Variants in RBMS3 observed in about 807,000 individuals in gnomAD.
RBMS3 encodes RNA-binding motif, single-stranded-interacting protein 3.
In RBMS3, 27 loss-of-function variants were observed where a neutral mutation model predicts 66.8. That is an observed-to-expected ratio of 0.40 (90% CI 0.30 to 0.56). The LOEUF (loss-of-function observed/expected upper bound fraction) is 0.56, where lower values mean the gene tolerates loss of function less well. RBMS3 is among the 20% of genes least tolerant of loss of function. The probability of loss-of-function intolerance (pLI) is 0.40; values close to 1 mark genes in which losing one functional copy is unlikely to be tolerated. For missense variants in RBMS3, 513 were observed against 549.5 expected, an observed-to-expected ratio of 0.93 and a Z score of 0.66; for synonymous variants, 188 against 183.0, an observed-to-expected ratio of 1.03 and a Z score of -0.22.
intron 6 of RBMS3, among the ~76,000 whole-genome samples, chr3:29,853,204 G>A (rs560356472): frequency 6.6e-6 from 1 of 152,058 alleles, no homozygotes; most frequent in African/African-American, 2.4e-5. Flanking sequence ...ATAACTAATG[G>A]CTACTAGGCT....
At chr3:29,509,338 C>T (rs896328395) in intron 3 of RBMS3, among the ~76,000 whole-genome samples, 5 of 152,084 alleles carry the variant, frequency 3.3e-5, no homozygotes, top group African/African-American at 1.2e-4. Context: ...AACAAGCACC[C>T]CACATTTACT....
At chr3:29,821,263 A>G (rs1045515523) in intron 6 of RBMS3, among the ~76,000 whole-genome samples, 1 of 152,036 alleles carries the variant, frequency 6.6e-6, no homozygotes, top group Non-Finnish European at 1.5e-5. Context: ...TTTATTTTCT[A>G]CAACTTTCCC....
chr3:29,886,117 G>T (rs1488677957), intron 8 of RBMS3, among the ~76,000 whole-genome samples: 1 of 151,746 alleles, frequency 6.6e-6, no homozygotes, highest in African/African-American at 2.4e-5. Context: ...AAAGACATTA[G>T]TCACATGATA....
chr3:29,814,773 A>G (rs188746573), intron 6 of RBMS3, among the ~76,000 whole-genome samples: 10 of 152,298 alleles, frequency 6.6e-5, no homozygotes, highest in Admixed American at 6.5e-4. Context: ...TAAAACTTAA[A>G]GTATAATAAT....
chr3:29,639,005 G>A (rs2049580282), intron 4 of RBMS3, among the ~76,000 whole-genome samples: 1 of 151,580 alleles, frequency 6.6e-6, no homozygotes, highest in African/African-American at 2.4e-5. Flanking sequence ...AGAGTTAAAA[G>A]TTTCTTTTAT....
chr3:29,949,399 G>A lies in RBMS3; in HGVS notation c.1098+5145G>A, dbSNP rs146627277. Reference sequence around the variant, plus strand: ...ACACAAGCCACGTGCAAATAAGTGAGCATGGCTATATTTCATTAAAGCTTT... The same window carrying A: ...ACACAAGCCACGTGCAAATAAGTGAACATGGCTATATTTCATTAAAGCTTT... On this transcript the variant is annotated intron_variant, in intron 12 of 14. Transcript: ENST00000383767. Among the ~76,000 whole-genome samples the A allele has an allele frequency of 2.7e-3, 407 of 151,892 alleles. 9 individuals carry two copies. The East Asian group carries it at 0.065, about 24-fold the overall frequency.
chr3:29,566,535 T>C (rs1025079304), intron 3 of RBMS3, among the ~76,000 whole-genome samples: 1 of 151,910 alleles, frequency 6.6e-6, no homozygotes, highest in African/African-American at 2.4e-5. Context: ...CGTTAATTGC[T>C]TGAATTCACC....
intron 4 of RBMS3, among the ~76,000 whole-genome samples, chr3:29,631,067 T>G (rs2049265209): frequency 6.6e-6 from 1 of 151,930 alleles, no homozygotes; most frequent in Non-Finnish European, 1.5e-5. Flanking sequence ...AAAATTTGAG[T>G]ATTTTAAGAG....
At chr3:29,590,676 T>C (rs1392685107) in intron 4 of RBMS3, among the ~76,000 whole-genome samples, 1 of 152,054 alleles carries the variant, frequency 6.6e-6, no homozygotes, top group Non-Finnish European at 1.5e-5. Context: ...CTTCAGGATA[T>C]AGAGAAAAAA....
At chr3:29,429,636 T>A (rs2041104434) in intron 1 of RBMS3, among the ~76,000 whole-genome samples, 1 of 152,210 alleles carries the variant, frequency 6.6e-6, no homozygotes, top group Non-Finnish European at 1.5e-5. Flanking sequence ...TGCCCTGTTA[T>A]AGCACAGTGT....
intron 10 of RBMS3, among the ~76,000 whole-genome samples, chr3:29,915,163 A>T (rs2060607889): frequency 6.6e-6 from 1 of 151,914 alleles, no homozygotes. Flanking sequence ...CCTAAAAAAA[A>T]AAAAATCCAT....
chr3:29,979,264 C>T (rs750261413), intron 12 of RBMS3, among the ~76,000 whole-genome samples: 1 of 152,164 alleles, frequency 6.6e-6, no homozygotes, highest in South Asian at 2.1e-4. Flanking sequence ...TTTTGCTTGA[C>T]TCAGTGTTGC....
intron 2 of RBMS3, among the ~76,000 whole-genome samples, chr3:29,473,851 C>T (rs34744897): frequency 7.9e-5 from 12 of 152,322 alleles, no homozygotes; most frequent in East Asian, 1.9e-4. Flanking sequence ...CCGCAAGCGC[C>T]GCGCGCAGCC....
chr3:29,894,138 G>T (rs1319841013), intron 8 of RBMS3, among the ~76,000 whole-genome samples: 1 of 151,578 alleles, frequency 6.6e-6, no homozygotes, highest in Non-Finnish European at 1.5e-5. Context: ...CTGAATGGTA[G>T]AAATTCAAGA....
intron 4 of RBMS3, among the ~76,000 whole-genome samples, chr3:29,665,153 A>C (rs1201470116): frequency 1.3e-5 from 2 of 152,192 alleles, no homozygotes; most frequent in African/African-American, 2.4e-5. Flanking sequence ...TTCTTACCAG[A>C]TTTCTGAAAG....
intron 1 of RBMS3, among the ~76,000 whole-genome samples, chr3:29,422,583 T>C (rs2040797161): frequency 6.6e-6 from 1 of 152,026 alleles, no homozygotes; most frequent in Non-Finnish European, 1.5e-5. Context: ...GTAAATATTT[T>C]ATAAGTTTCT....
chr3:29,743,948 A>G (rs1452833060), intron 5 of RBMS3, among the ~76,000 whole-genome samples: 1 of 120,024 alleles, frequency 8.3e-6, no homozygotes. Context: ...TCCTGTGTCC[A>G]TGTGTTCTCA....
chr3:29,650,128 C>A (rs2050088785), intron 4 of RBMS3, among the ~76,000 whole-genome samples: 1 of 152,082 alleles, frequency 6.6e-6, no homozygotes, highest in Non-Finnish European at 1.5e-5. Context: ...TACTTGATTT[C>A]ATTTGAAAAG....
intron 4 of RBMS3, among the ~76,000 whole-genome samples, chr3:29,697,906 C>A (rs191067284): frequency 9.8e-5 from 15 of 152,318 alleles, no homozygotes; most frequent in Middle Eastern, 3.4e-3. Context: ...GTTGCCTAAT[C>A]TGTATACAAA....
Sources: gnomAD v4.1 joint callset for allele counts (sites outside exome capture counted in the v4.1 genomes callset) on GRCh38, gnomAD v4.1.1 for gene constraint, MANE v1.5 for transcripts, NCBI Gene and HGNC (gene_info 2026-07-23, HGNC 2026-07-21) for gene names.